The following EPHA7 variants were observed in gnomAD, a reference collection of about 807,000 sequenced individuals.
EPHA7 encodes the protein EPH receptor A7, also known as ephrin type-A receptor 7.
Under a neutral mutation model 112.6 loss-of-function variants are expected in EPHA7, and 25 were observed. The ratio of observed to expected loss-of-function variants is 0.22; its 90% confidence interval spans 0.16 to 0.31. EPHA7 has a LOEUF of 0.31. Among genes scored for constraint, EPHA7 ranks in the 10% least tolerant of loss-of-function variants. EPHA7 has a pLI of 1.00. For synonymous variants in EPHA7, 437 were observed against 406.5 expected (o/e 1.07, Z -0.90); for missense variants, 962 against 1,212.6 (o/e 0.79, Z 3.07).
At chr6:93,265,153 C>G (rs1379672188) in intron 7 of EPHA7, among the ~76,000 whole-genome samples, 1 of 151,416 alleles carries the variant, frequency 6.6e-6, no homozygotes, top group Non-Finnish European at 1.5e-5. Context: ...AATGCTTTAT[C>G]TCTCATATCA....
chr6:93,376,264 T>TG (rs1562137002), intron 3 of EPHA7, among the ~76,000 whole-genome samples: 3 of 152,190 alleles, frequency 2.0e-5, no homozygotes, highest in Non-Finnish European at 1.5e-5. Context: ...CTCAGCCTCC[T>TG]GAGCAGCTGG....
At chr6:93,288,555 A>G (rs1313627648) in intron 5 of EPHA7, among the ~76,000 whole-genome samples, 1 of 152,184 alleles carries the variant, frequency 6.6e-6, no homozygotes, top group African/African-American at 2.4e-5. Context: ...TCATATGCAA[A>G]TTATACTTAA....
intron 2 of EPHA7, among the ~76,000 whole-genome samples, chr6:93,412,738 T>A (rs1453447250): frequency 6.6e-6 from 1 of 152,042 alleles, no homozygotes; most frequent in East Asian, 1.9e-4. Flanking sequence ...AAACTAGTAA[T>A]GATATCTACC....
intron 3 of EPHA7, among the ~76,000 whole-genome samples, chr6:93,358,722 T>G (rs1776088402): frequency 6.6e-6 from 1 of 152,218 alleles, no homozygotes; most frequent in Admixed American, 6.5e-5. Context: ...AATTCCGATA[T>G]ATAATTCAAA....
chr6:93,390,821 C>A (rs886151152), intron 3 of EPHA7, among the ~76,000 whole-genome samples: 2 of 151,862 alleles, frequency 1.3e-5, no homozygotes, highest in African/African-American at 4.8e-5. Context: ...CAAACTCATG[C>A]AGGTTTATCT....
intron 6 of EPHA7, among the ~76,000 whole-genome samples, chr6:93,271,888 T>A (rs1293880019): frequency 1.3e-5 from 2 of 151,880 alleles, no homozygotes; most frequent in African/African-American, 4.8e-5. Flanking sequence ...TTAAATTATT[T>A]GAGGTCATTA....
Position 93,417,461 on chromosome 6 carries a change from T to C in EPHA7, c.97+1784A>G, listed in dbSNP as rs191709413. Among the ~76,000 whole-genome samples, 403 of 152,296 alleles carry C rather than the reference T, an allele frequency of 2.6e-3. 2 individuals are homozygous for C. The highest frequency in any genetic ancestry group is 9.3e-3 in the African/African-American group (385 of 41,564). On this transcript the variant is annotated intron_variant, in intron 1 of 16. Transcript: ENST00000369303. Reference sequence around the variant, plus strand: ...CCGCGCCTTTTATACATCACACTTCTGCATCTAAAGAATTCAGGCTCTTAG... The same window carrying C: ...CCGCGCCTTTTATACATCACACTTCCGCATCTAAAGAATTCAGGCTCTTAG...
At chr6:93,296,634 C>G (rs1052246578) in intron 5 of EPHA7, among the ~76,000 whole-genome samples, 9 of 151,018 alleles carry the variant, frequency 6.0e-5, no homozygotes, top group Admixed American at 6.0e-4. Context: ...CACGTGGAAT[C>G]TAAGAAAAAG....
chr6:93,266,551 TAAAC>T (rs1282316698), intron 7 of EPHA7, among the ~76,000 whole-genome samples: 2 of 151,802 alleles, frequency 1.3e-5, no homozygotes, highest in African/African-American at 2.4e-5. Flanking sequence ...GCTAAGGCTA[TAAAC>T]AGAATGTCAT....
At chr6:93,412,686 G>C (rs1289350732) in intron 2 of EPHA7, among the ~76,000 whole-genome samples, 2 of 152,044 alleles carry the variant, frequency 1.3e-5, no homozygotes, top group African/African-American at 4.8e-5. Flanking sequence ...TGGATGGCTA[G>C]ATTTCAGTCT....
At chr6:93,417,089 A>C (rs1582703840) in intron 1 of EPHA7, among the ~76,000 whole-genome samples, 1 of 152,260 alleles carries the variant, frequency 6.6e-6, no homozygotes, top group African/African-American at 2.4e-5. Context: ...GGCGGCATTT[A>C]CGGAGAGAAA....
intron 1 of EPHA7, among the ~76,000 whole-genome samples, chr6:93,414,977 AT>A (rs894430729): frequency 6.6e-6 from 1 of 152,018 alleles, no homozygotes; most frequent in Non-Finnish European, 1.5e-5. Flanking sequence ...CCAATATTAT[AT>A]TTGGTATGCT....
chr6:93,269,782 G>T, intron 6 of EPHA7, 122 bp from the exon 7 acceptor site: 1 of 718,478 alleles, frequency 1.4e-6, no homozygotes, highest in Non-Finnish European at 2.1e-6. Context: ...TGTACTTTGT[G>T]GAATATTATA....
rs188953663 is a variant in EPHA7, at chr6:93,267,489, A to C, written c.1633+1988T>G. On this transcript the variant is annotated intron_variant, in intron 7 of 16. Coordinates refer to ENST00000369303, the MANE Select transcript of EPHA7 (RefSeq NM_004440.4). ...ATTCACTCTATGTTGATCAGTGTGA[A>C]GTATTCATTTATTGCTAGTTTACTG... Among the ~76,000 whole-genome samples the C allele has an allele frequency of 2.1e-4, 32 of 151,832 alleles. 1 individual carries two copies. The highest frequency in any genetic ancestry group is 1.6e-3 in the Admixed American group (24 of 15,168).
intron 3 of EPHA7, among the ~76,000 whole-genome samples, chr6:93,409,373 T>A (rs1778866257): frequency 6.6e-6 from 1 of 151,994 alleles, no homozygotes; most frequent in Non-Finnish European, 1.5e-5. Flanking sequence ...AGCTATTTAC[T>A]CTTGATATCC....
chr6:93,311,810 A>G (rs1773556120), intron 5 of EPHA7, among the ~76,000 whole-genome samples: 1 of 152,218 alleles, frequency 6.6e-6, no homozygotes, highest in African/African-American at 2.4e-5. Flanking sequence ...ATTAAAAAAG[A>G]CTTGAAAGGT....
chr6:93,259,310 T>C (rs1165078036), intron 10 of EPHA7, 44 bp downstream of exon 10: 2 of 1,606,776 alleles, frequency 1.2e-6, no homozygotes, highest in Admixed American at 3.4e-5. Context: ...CTTTCGATCT[T>C]GGCTAAATGG....
chr6:93,246,132 A>G (rs1582381716), intron 15 of EPHA7, among the ~76,000 whole-genome samples: 2 of 150,082 alleles, frequency 1.3e-5, no homozygotes, highest in Non-Finnish European at 3.0e-5. Flanking sequence ...GCTCACTGCC[A>G]CCTCTGCCTA....
intron 5 of EPHA7, among the ~76,000 whole-genome samples, chr6:93,331,915 T>C (rs1774613257): frequency 6.6e-6 from 1 of 151,602 alleles, no homozygotes; most frequent in Admixed American, 6.6e-5. Flanking sequence ...AAGGCAAATG[T>C]AGACAACATG....
Sources: gnomAD v4.1 joint callset for allele counts (sites outside exome capture counted in the v4.1 genomes callset) on GRCh38, gnomAD v4.1.1 for gene constraint, MANE v1.5 for transcripts, NCBI Gene and HGNC (gene_info 2026-07-23, HGNC 2026-07-21) for gene names.